Variants in VARS2 observed in about 807,000 individuals in gnomAD.
VARS2 encodes the protein valine--tRNA ligase, mitochondrial.
Under a neutral mutation model 154.1 loss-of-function variants are expected in VARS2, and 105 were observed. The ratio of observed to expected loss-of-function variants is 0.68; its 90% CI spans 0.58 to 0.80. The LOEUF (loss-of-function observed/expected upper bound fraction) is 0.80. Among genes scored for constraint, VARS2 ranks in the 30% least tolerant of loss-of-function variants. The probability of loss-of-function intolerance (pLI) is 0.00; values close to 1 mark genes in which losing one functional copy is unlikely to be tolerated. For synonymous variants in VARS2, 483 were observed against 539.5 expected (o/e 0.90, Z 1.45); for missense variants, 1,157 against 1,361.4 (o/e 0.85, Z 2.36).
intron 26 of VARS2, among the ~76,000 whole-genome samples, chr6:30,924,912 T>G (rs1342095467): frequency 6.6e-6 from 1 of 152,254 alleles, no homozygotes; most frequent in Non-Finnish European, 1.5e-5. Context: ...AGTGCAGCTT[T>G]AATAACTTCA....
chr6:30,919,395 C>T lies in VARS2; in HGVS notation c.1075-363C>T. 4.6e-6 allele frequency: 1 copy of T among 215,854 alleles called. No individual in the cohort carries two copies. Among genetic ancestry groups the T allele is most frequent in the Non-Finnish European group, 9.1e-6 (1 of 109,970 alleles). The allele number at this position is 215,854 out of a possible 1,614,324, so 13.4% of individuals were successfully genotyped here. A position where few individuals can be genotyped will look rare whatever the true frequency, so the allele number is the denominator to read the frequency against. On this transcript the variant is annotated intron_variant, in intron 11 of 29. Transcript: ENST00000676266. The surrounding 1 kb of genome is among the most constrained non-coding windows in gnomAD (Gnocchi z 4.5). Reference sequence around the variant, plus strand: ...AGAGACGGAGTGTCACTGTGTTAGCCAGGATAGTCTCGATCTCCTGACCTC... The same window carrying T: ...AGAGACGGAGTGTCACTGTGTTAGCTAGGATAGTCTCGATCTCCTGACCTC...
rs749505903 is a variant in VARS2 at position 30,919,779 on chromosome 6, C to T, written c.1096C>T (p.Arg366Cys). 1.3e-5 allele frequency: 21 copies of T among 1,589,302 alleles called. No homozygotes were observed. The highest frequency in any genetic ancestry group is 3.4e-5 in the South Asian group (3 of 88,922). ...RYTHLHGRQL[R>C]HPLMGQPLPL... Reference sequence around the variant, plus strand: ...TCAGCATCTACACGGGCGACAGCTTCGTCACCCCTTGATGGGGCAGCCTCT... The same window carrying T: ...TCAGCATCTACACGGGCGACAGCTTTGTCACCCCTTGATGGGGCAGCCTCT... Residue 366 changes from arginine (R) to cysteine (C), a missense_variant, in exon 12 of 30, where the codon CGT becomes TGT. By Grantham distance (180) the Arg-to-Cys change is radical. Transcript: ENST00000676266. This position sits in a 1 kb window ranked among gnomAD's most constrained non-coding sequence, Gnocchi z 4.5.
At position 30,921,060 on chromosome 6, in the gene VARS2, T is replaced by C; in HGVS notation, c.1480-5T>C. ...AACATTGTCTAAAGTCCCCTTTCTCTCCAGGCTGTGGAGTCGGGGGCCCTG... is the reference window on the plus strand; with the variant it reads ...AACATTGTCTAAAGTCCCCTTTCTCCCCAGGCTGTGGAGTCGGGGGCCCTG... On this transcript the variant is annotated splice_polypyrimidine_tract_variant and splice_region_variant and intron_variant, in intron 15 of 29. Coordinates refer to ENST00000676266, the MANE Select transcript of VARS2 (RefSeq NM_020442.6). This position sits in a 1 kb window ranked among gnomAD's most constrained non-coding sequence, Gnocchi z 4.6. 1 of 1,609,458 alleles carries C rather than the reference T, an allele frequency of 6.2e-7. No homozygotes were observed.
chr6:30,920,000 G>T lies in VARS2; in HGVS notation c.1166-89G>T. The T allele has an allele frequency of 1.3e-6, 2 of 1,503,264 alleles. No individual in the cohort carries two copies. Among genetic ancestry groups the T allele is most frequent in the Non-Finnish European group, 1.8e-6 (2 of 1,124,202 alleles). 93.1% of individuals were successfully genotyped at this position (1,503,264 alleles called of 1,614,324 possible). ...GAGGCACAGACAGAGAAAGTCGCAG[G>T]GGCTGGGGCGGTGCAGGTGATGATG... On this transcript the variant is annotated intron_variant, in intron 12 of 29. Transcript: ENST00000676266. The surrounding 1 kb of genome is among the most constrained non-coding windows in gnomAD (Gnocchi z 4.5).
intron 3 of VARS2, 47 bp downstream of exon 3, chr6:30,915,284 C>T: frequency 6.2e-7 from 1 of 1,612,038 alleles, no homozygotes; most frequent in South Asian, 1.1e-5. Context: ...TATGTGTTGC[C>T]CATTTGGCCT....
At chr6:30,914,733 G>A in intron 1 of VARS2, 77 bp from the exon 2 acceptor site, 1 of 1,378,758 alleles carries the variant, frequency 7.3e-7, no homozygotes, top group East Asian at 2.4e-5. Context: ...GCTAATTAGA[G>A]ACAGGAAAGA....
chr6:30,920,535 A>C lies in VARS2; in HGVS notation c.1397+99A>C, dbSNP rs1050242344. 3.6e-6 allele frequency: 5 copies of C among 1,372,868 alleles called. No individual in the cohort carries two copies. 85.0% of individuals were successfully genotyped at this position (1,372,868 alleles called of 1,614,324 possible). The stretch of plus-strand genomic sequence containing the variant: ...ATGGGCTCTGCACCCCTCCGTTAGA[A>C]TACGAGCTCCGTGTCGGTTTTATTC... On this transcript the variant is annotated intron_variant, in intron 14 of 29. Transcript: ENST00000676266. This position sits in a 1 kb window ranked among gnomAD's most constrained non-coding sequence, Gnocchi z 4.6.
At chr6:30,923,880 G>A (rs1794685598) in intron 25 of VARS2, 3 of 359,544 alleles carry the variant, frequency 8.3e-6, no homozygotes, top group African/African-American at 2.1e-5. Context: ...GGGTTCTCAC[G>A]CTGTCCTACG....
intron 10 of VARS2, among the ~76,000 whole-genome samples, chr6:30,918,288 G>A (rs1794300930): frequency 6.6e-6 from 1 of 152,160 alleles, no homozygotes. Context: ...GGTTGGTCTC[G>A]AACTCCTGAC....
rs760144186 is a variant in VARS2, at chr6:30,918,899, A to C, written c.1058A>C (p.Asp353Ala). The change falls in exon 11 of 30, where the codon GAC becomes GCC. Residue 353 changes from aspartate (D) to alanine (A), a missense_variant. By Grantham distance (126) the Asp-to-Ala change is moderately radical. Transcript: ENST00000676266. ...GATGTGGCTGTGGCCGTTCATCCAG[A>C]CGACTCGCGATACACAGTAATACCC... ...PGDVAVAVHP[D>A]DSRYTHLHGR... 6.2e-6 allele frequency: 10 copies of C among 1,612,786 alleles called. No homozygotes were observed. Among genetic ancestry groups the C allele is most frequent in the Non-Finnish European group, 8.5e-6 (10 of 1,180,004 alleles).
chr6:30,924,078 C>G (rs1794696826), intron 25 of VARS2: 1 of 556,808 alleles, frequency 1.8e-6, no homozygotes, highest in South Asian at 2.1e-5. Context: ...ACCTCTGTCC[C>G]CTGTTGATAA....
rs1290372609 is a variant in VARS2, at chr6:30,914,889, A to T, written c.53A>T (p.His18Leu). Reference protein sequence around the residue: ...SFRPPFWGLRHSRGLPRFHSV... With the variant: ...SFRPPFWGLRLSRGLPRFHSV... The stretch of plus-strand genomic sequence containing the variant: ...CGACCACCATTTTGGGGGCTGAGGC[A>T]CTCACGGGGCCTCCCCAGGTTTCAC... The change falls in exon 2 of 30, where the codon CAC becomes CTC. Residue 18 changes from histidine to leucine, a missense_variant. Transcript: ENST00000676266. The T allele has an allele frequency of 1.2e-6, 2 of 1,612,974 alleles. No homozygotes were observed. Among genetic ancestry groups the T allele is most frequent in the South Asian group, 1.1e-5 (1 of 91,072 alleles).
rs1794014128 is a variant in VARS2 at position 30,914,481 on chromosome 6, C to T, written c.-28+137C>T. On this transcript the variant is annotated intron_variant, in intron 1 of 29. Transcript: ENST00000676266. ...AGGCCCCTGTGCAGGTGGAGATCGC[C>T]GCGGCCCTGGCGGGACTCCTTGCTG... 4.5e-6 allele frequency: 6 copies of T among 1,321,636 alleles called. No homozygotes were observed. Among genetic ancestry groups the T allele is most frequent in the Non-Finnish European group, 2.9e-6 (3 of 1,039,384 alleles). 81.9% of individuals were successfully genotyped at this position (1,321,636 alleles called of 1,614,324 possible).
Position 30,916,285 on chromosome 6 carries a change from G to T in VARS2, c.671+36G>T, listed in dbSNP as rs1455217036. ...TGGGCAGGACTCGGGGGGCCCAGATGGCAGATTTGGTTTCTTGCCTCCCAC... is the reference window on the plus strand; with the variant it reads ...TGGGCAGGACTCGGGGGGCCCAGATTGCAGATTTGGTTTCTTGCCTCCCAC... On this transcript the variant is annotated intron_variant, in intron 7 of 29. Transcript: ENST00000676266. The surrounding 1 kb of genome is among the most constrained non-coding windows in gnomAD (Gnocchi z 4.0). 6.4e-7 allele frequency: 1 copy of T among 1,564,170 alleles called. No individual in the cohort carries two copies. The highest frequency in any genetic ancestry group is 2.3e-5 in the East Asian group (1 of 44,348).
At chr6:30,918,020 G>C (rs1208972343) in intron 10 of VARS2, among the ~76,000 whole-genome samples, 1 of 152,118 alleles carries the variant, frequency 6.6e-6, no homozygotes, top group Non-Finnish European at 1.5e-5. Flanking sequence ...TTCTTCAGGA[G>C]TGCGCTACCC....
intron 10 of VARS2, 155 bp from the exon 11 acceptor site, chr6:30,918,672 C>T: frequency 1.8e-6 from 1 of 547,710 alleles, no homozygotes. Flanking sequence ...TTCCTATAAA[C>T]ACTGCTCCTA....
rs6926723 is a variant in VARS2 at position 30,915,026 on chromosome 6, G to A, written c.190G>A (p.Gly64Arg). The change falls in exon 2 of 30, where the codon GGG becomes AGG. Residue 64 changes from glycine (G) to arginine (R), a missense_variant. Physicochemically the swap from Gly to Arg is moderately radical, Grantham distance 125. Transcript: ENST00000676266. Reference sequence around the variant, plus strand: ...GGCGACTCTGGAGGCTGAGATAGCAGGGGAGAGCAAGGTTAGGGGTCAGAC... The same window carrying A: ...GGCGACTCTGGAGGCTGAGATAGCAAGGGAGAGCAAGGTTAGGGGTCAGAC... Reference protein sequence around the residue: ...KQATLEAEIAGESKSPAESIK... With the variant: ...KQATLEAEIARESKSPAESIK... 63,120 of 1,613,386 alleles carry A rather than the reference G, an allele frequency of 0.039. 2,013 individuals are homozygous for A. Among genetic ancestry groups the A allele is most frequent in the African/African-American group, 0.13 (9,688 of 74,922 alleles).
In VARS2 at chr6:30,926,249, T is replaced by C. The variant is rs758990517; in HGVS notation, c.*39T>C. Reference sequence around the variant, plus strand: ...TCAGTTTTCCTCCCTCTCAGACCTGTCTTTGAGGACAAACAGATTTGTCAG... The same window carrying C: ...TCAGTTTTCCTCCCTCTCAGACCTGCCTTTGAGGACAAACAGATTTGTCAG... On this transcript the variant is annotated 3_prime_UTR_variant, in exon 30 of 30. Coordinates refer to ENST00000676266, the MANE Select transcript of VARS2 (RefSeq NM_020442.6). The C allele has an allele frequency of 6.3e-7, 1 of 1,599,382 alleles. No homozygotes were observed. The highest frequency in any genetic ancestry group is 8.6e-7 in the Non-Finnish European group (1 of 1,168,672).
chr6:30,915,224 C>G lies in VARS2; in HGVS notation c.270C>G (p.Pro90=), dbSNP rs755430371. 11 of 1,614,014 alleles carry G rather than the reference C, an allele frequency of 6.8e-6. No individual in the cohort carries two copies. The highest frequency in any genetic ancestry group is 8.5e-6 in the Non-Finnish European group (10 of 1,180,008). ...ELVLYEIPTK[P]GEKKDVSGPL... ...TATTGTATGAAATCCCTACGAAACCCGGTGAAAAGAAAGGTAAGTAGAATA... is the reference window on the plus strand; with the variant it reads ...TATTGTATGAAATCCCTACGAAACCGGGTGAAAAGAAAGGTAAGTAGAATA... Residue 90 remains proline (P), a synonymous_variant, in exon 3 of 30, where the codon CCC becomes CCG. Transcript: ENST00000676266.
Sources: gnomAD v4.1 joint callset for allele counts (sites outside exome capture counted in the v4.1 genomes callset) on GRCh38, gnomAD v4.1.1 for gene constraint, Gnocchi (gnomAD v3.1) non-coding constraint, MANE v1.5 for transcripts, NCBI Gene and HGNC (gene_info 2026-07-23, HGNC 2026-07-21) for gene names.